Variants in ARHGAP42 observed in about 807,000 individuals in gnomAD.
ARHGAP42 encodes Rho GTPase activating protein 42.
Under a neutral mutation model 125.0 loss-of-function variants are expected in ARHGAP42, and 63 were observed. That is an observed-to-expected ratio of 0.50 (90% confidence interval 0.41 to 0.62). The LOEUF (loss-of-function observed/expected upper bound fraction) is 0.62. Among genes scored for constraint, ARHGAP42 ranks in the 20% least tolerant of loss-of-function variants. The probability of loss-of-function intolerance (pLI) is 0.00; values close to 1 mark genes in which losing one functional copy is unlikely to be tolerated. For synonymous variants in ARHGAP42, 339 were observed against 351.0 expected, an observed-to-expected ratio of 0.97 and a Z score of 0.38; for missense variants, 766 against 1,024.2, an observed-to-expected ratio of 0.75 and a Z score of 3.44.
At chr11:100,790,300 G>A (rs1050593092) in intron 2 of ARHGAP42, among the ~76,000 whole-genome samples, 11 of 151,774 alleles carry the variant, frequency 7.2e-5, no homozygotes, top group African/African-American at 1.5e-4. Flanking sequence ...GTTTGTGAAC[G>A]TTTATACTCT....
At chr11:100,926,544 G>A (rs896427848) in intron 6 of ARHGAP42, among the ~76,000 whole-genome samples, 6 of 152,306 alleles carry the variant, frequency 3.9e-5, no homozygotes, top group African/African-American at 9.6e-5. Flanking sequence ...GAGACAGAAA[G>A]TATAATAGCT....
rs1041474113 is a variant in ARHGAP42 at position 100,687,779 on chromosome 11, A to G, written c.101A>G (p.Lys34Arg). ...GAGATTGAGCTGGAGCGAACCAACA[A>G]GTTCATCAAGGAGCTCATTAAGGAC... ...CHEIELERTN[K>R]FIKELIKDGS... The change falls in exon 1 of 24, where the codon AAG (lysine) becomes AGG (arginine). Residue 34 changes from lysine to arginine, a missense_variant. By Grantham distance (26) the Lys-to-Arg change is conservative (BLOSUM62 2). Around this residue, in one of 3 missense-constraint regions of ARHGAP42, gnomAD observed 455 missense variants for 636.5 expected, o/e 0.71. Transcript: ENST00000298815. 9.7e-6 allele frequency: 15 copies of G among 1,550,878 alleles called. No individual in the cohort carries two copies. In the African/African-American group the frequency reaches 1.5e-4, roughly 16 times the overall value.
At chr11:100,915,488 A>T (rs1296767989) in intron 5 of ARHGAP42, among the ~76,000 whole-genome samples, 4 of 152,192 alleles carry the variant, frequency 2.6e-5, no homozygotes, top group Non-Finnish European at 1.5e-5. Flanking sequence ...GCTCCAATAA[A>T]TATCGGAAGT....
At chr11:100,849,544 T>G (rs1295795133) in intron 3 of ARHGAP42, among the ~76,000 whole-genome samples, 1 of 152,220 alleles carries the variant, frequency 6.6e-6, no homozygotes, top group Non-Finnish European at 1.5e-5. Flanking sequence ...GACTTTGTAT[T>G]CTGTGTTAAA....
rs1484293820 is a variant in ARHGAP42, at chr11:100,948,493, T to G, written c.1080T>G (p.Ala360=). 19 of 1,550,100 alleles carry G rather than the reference T, an allele frequency of 1.2e-5. No homozygotes were observed. Among genetic ancestry groups the G allele is most frequent in the Non-Finnish European group, 1.7e-5 (19 of 1,145,972 alleles). Residue 360 remains alanine, a synonymous_variant, in exon 11 of 24, where the codon GCT becomes GCG. Transcript: ENST00000298815. ...GIITLQAFSE[A]NRKLWLEAMD... ...TCACGTTACAGGCCTTCTCAGAAGC[T>G]AATAGGAAACTCTGGCTTGAAGCCA...
chr11:100,872,200 A>G (rs1163097486), intron 4 of ARHGAP42, among the ~76,000 whole-genome samples: 1 of 152,196 alleles, frequency 6.6e-6, no homozygotes, highest in Non-Finnish European at 1.5e-5. Flanking sequence ...TTTTAAAAAT[A>G]GTGTATTTAT....
chr11:100,848,681 T>C (rs1208075649), intron 3 of ARHGAP42, among the ~76,000 whole-genome samples: 1 of 152,062 alleles, frequency 6.6e-6, no homozygotes, highest in Non-Finnish European at 1.5e-5. Context: ...TTTATTTTTA[T>C]TTTTAGTAGA....
intron 18 of ARHGAP42, among the ~76,000 whole-genome samples, chr11:100,974,193 A>G (rs1356868515): frequency 6.6e-6 from 1 of 152,204 alleles, no homozygotes; most frequent in Non-Finnish European, 1.5e-5. Context: ...GAGTATTACA[A>G]TAAAAACCAT....
At chr11:100,933,680 G>A (rs941435378) in intron 7 of ARHGAP42, among the ~76,000 whole-genome samples, 2 of 152,138 alleles carry the variant, frequency 1.3e-5, no homozygotes, top group African/African-American at 4.8e-5. Context: ...ATGTATACAT[G>A]TATTAAAACA....
chr11:100,899,148 A>G (rs754119856), intron 4 of ARHGAP42, among the ~76,000 whole-genome samples: 1 of 152,134 alleles, frequency 6.6e-6, no homozygotes, highest in Non-Finnish European at 1.5e-5. Context: ...GTAGTTGTGC[A>G]GTTTTGAGTG....
chr11:100,699,729 G>T lies in ARHGAP42; in HGVS notation c.154+11897G>T, dbSNP rs894525832. ...GTACATATGGGGTTTCACCATGTTG[G>T]CCAGGCTGGTCTCTAACTCCGGACC... On this transcript the variant is annotated intron_variant, in intron 1 of 23. Coordinates refer to ENST00000298815, the MANE Select transcript of ARHGAP42 (RefSeq NM_152432.4). Among the ~76,000 whole-genome samples, 9 of 151,458 alleles carry T rather than the reference G, an allele frequency of 5.9e-5. No individual in the cohort carries two copies. The East Asian group carries it at 1.7e-3, about 29-fold the overall frequency.
intron 4 of ARHGAP42, among the ~76,000 whole-genome samples, chr11:100,896,844 T>C (rs1432936721): frequency 6.6e-6 from 1 of 152,234 alleles, no homozygotes; most frequent in Non-Finnish European, 1.5e-5. Flanking sequence ...TTTAGTTTAA[T>C]TAGATGCCAT....
intron 8 of ARHGAP42, among the ~76,000 whole-genome samples, chr11:100,937,001 T>C (rs527266456): frequency 6.6e-6 from 1 of 152,348 alleles, no homozygotes; most frequent in South Asian, 2.1e-4. Flanking sequence ...CGTGCTGTTT[T>C]TGGTGAAGAA....
chr11:100,903,709 A>AAAAAAAAAATAT (rs1332890022), intron 4 of ARHGAP42, among the ~76,000 whole-genome samples: 130 of 63,430 alleles, frequency 2.0e-3, no homozygotes, highest in Non-Finnish European at 2.6e-3. Flanking sequence ...TGTCCCTCAA[A>AAAAAAAAAATAT]ATATATATAT....
chr11:100,973,730 A>G (rs762824749), intron 18 of ARHGAP42, among the ~76,000 whole-genome samples: 8 of 152,236 alleles, frequency 5.3e-5, no homozygotes, highest in Non-Finnish European at 1.0e-4. Flanking sequence ...TCTTCTCTAT[A>G]TCTAGTCCCT....
intron 3 of ARHGAP42, among the ~76,000 whole-genome samples, chr11:100,829,720 A>G (rs1484690312): frequency 6.6e-6 from 1 of 152,178 alleles, no homozygotes; most frequent in East Asian, 1.9e-4. Flanking sequence ...TTACGGTTGT[A>G]TGTTATTTTC....
chr11:100,882,144 G>A (rs118010894), intron 4 of ARHGAP42, among the ~76,000 whole-genome samples: 1,945 of 152,270 alleles, frequency 0.013, 21 homozygotes, highest in Middle Eastern at 0.041. Flanking sequence ...GAGGAGTGGT[G>A]ACAGTGGGCA....
chr11:100,694,744 T>G (rs908545387), intron 1 of ARHGAP42, among the ~76,000 whole-genome samples: 2 of 152,152 alleles, frequency 1.3e-5, no homozygotes, highest in African/African-American at 4.8e-5. Context: ...AATCACATGC[T>G]GAGGCCAGGC....
intron 2 of ARHGAP42, among the ~76,000 whole-genome samples, chr11:100,787,128 AT>A: frequency 6.8e-6 from 1 of 146,162 alleles, no homozygotes; most frequent in Middle Eastern, 3.5e-3. Flanking sequence ...ATACAAAAAA[AT>A]TAGGCGGGCA....
Sources: allele counts gnomAD v4.1 joint callset (sites outside exome capture counted in the v4.1 genomes callset), GRCh38; gene constraint gnomAD v4.1.1; regional missense constraint gnomAD v4.1.1; transcripts MANE v1.5; gene names NCBI Gene and HGNC (gene_info 2026-07-23, HGNC 2026-07-21).